The following PSMB7 variants were observed in gnomAD, a reference collection of about 807,000 sequenced individuals.
PSMB7 encodes proteasome subunit beta type-7.
A neutral mutation model predicts 28.1 loss-of-function variants in PSMB7; 5 were observed. That is an observed-to-expected ratio of 0.18 (90% CI 0.09 to 0.37). PSMB7 has a LOEUF of 0.37. Among genes scored for constraint, PSMB7 ranks in the 10% least tolerant of loss-of-function variants. The pLI is 1.00. For missense variants in PSMB7, 275 were observed against 346.2 expected, an observed-to-expected ratio of 0.79 and a Z score of 1.63; for synonymous variants, 122 against 123.7, an observed-to-expected ratio of 0.99 and a Z score of 0.09.
chr9:124,377,232 A>C (rs1830621088), intron 6 of PSMB7, among the ~76,000 whole-genome samples: 3 of 152,232 alleles, frequency 2.0e-5, no homozygotes, highest in Non-Finnish European at 4.4e-5. Context: ...CCGATCGCAC[A>C]GACAAGGATG....
chr9:124,390,820 A>G (rs951895766), intron 5 of PSMB7, among the ~76,000 whole-genome samples: 1 of 152,240 alleles, frequency 6.6e-6, no homozygotes, highest in South Asian at 2.1e-4. Flanking sequence ...AGACTTTGCT[A>G]GCTGTCACAG....
chr9:124,413,123 CA>C (rs750099104), intron 3 of PSMB7, among the ~76,000 whole-genome samples: 20 of 118,790 alleles, frequency 1.7e-4, no homozygotes, highest in Non-Finnish European at 3.1e-4. Context: ...CAAGATCAGC[CA>C]GGGCAACATA....
chr9:124,359,815 C>G (rs1342506815), intron 6 of PSMB7, among the ~76,000 whole-genome samples: 2 of 152,138 alleles, frequency 1.3e-5, no homozygotes, highest in South Asian at 4.2e-4. Context: ...CCCAAGACTA[C>G]CACTTCAAGG....
intron 6 of PSMB7, among the ~76,000 whole-genome samples, chr9:124,364,433 T>A (rs1399290213): frequency 6.6e-6 from 1 of 151,578 alleles, no homozygotes; most frequent in African/African-American, 2.4e-5. Flanking sequence ...AAGAACATAT[T>A]GCTTTCCACA....
At position 124,412,477 on chromosome 9, in the gene PSMB7, C is replaced by G. The variant is rs1226957005; in HGVS notation, c.270G>C (p.Gly90=). ...TTGTCATGTCTGTGTCTGCAGCTGT[C>G]CCAGCACCACAACAACTGAAAAATC... is the stretch of plus-strand genomic sequence containing the variant. ...ISPNIYCCGA[G]TAADTDMTTQ... is the part of the protein sequence containing the mutation. The change falls in exon 4 of 8, where the codon GGG becomes GGC. Residue 90 remains glycine (G), a synonymous_variant. Transcript: ENST00000259457. 6.2e-7 allele frequency: 1 copy of G among 1,613,782 alleles called. No individual in the cohort carries two copies. Among genetic ancestry groups the G allele is most frequent in the Non-Finnish European group, 8.5e-7 (1 of 1,179,892 alleles).
chr9:124,383,715 T>C (rs948456561), intron 6 of PSMB7: 1 of 152,140 alleles, frequency 6.6e-6, no homozygotes, highest in Non-Finnish European at 1.5e-5. Flanking sequence ...AAGTCAGAAA[T>C]GGCAAAAACC....
chr9:124,396,433 CA>C (rs1489351958), intron 5 of PSMB7, among the ~76,000 whole-genome samples: 2 of 152,218 alleles, frequency 1.3e-5, no homozygotes, highest in Non-Finnish European at 2.9e-5. Flanking sequence ...CTTCTGCCCA[CA>C]AGGTGAGACA....
At chr9:124,412,155 G>A (rs1238456845) in intron 4 of PSMB7, among the ~76,000 whole-genome samples, 197 bp downstream of exon 4, 1 of 152,050 alleles carries the variant, frequency 6.6e-6, no homozygotes, top group African/African-American at 2.4e-5. Flanking sequence ...ATTTACTCAT[G>A]AAAAAAATCA....
intron 6 of PSMB7, among the ~76,000 whole-genome samples, chr9:124,381,751 G>T (rs1830666859): frequency 6.6e-6 from 1 of 152,220 alleles, no homozygotes; most frequent in South Asian, 2.1e-4. Context: ...TCTCAACTCT[G>T]CTAGGCAGTC....
At chr9:124,365,071 G>C (rs914578375) in intron 6 of PSMB7, among the ~76,000 whole-genome samples, 1 of 152,194 alleles carries the variant, frequency 6.6e-6, no homozygotes, top group Non-Finnish European at 1.5e-5. Context: ...GCCAAAATGA[G>C]GCAAATTTCA....
At chr9:124,369,876 G>A (rs915824175) in intron 6 of PSMB7, among the ~76,000 whole-genome samples, 4 of 152,046 alleles carry the variant, frequency 2.6e-5, no homozygotes, top group Non-Finnish European at 4.4e-5. Context: ...CTCCTCTTCC[G>A]CCGTACCCCT....
intron 2 of PSMB7, among the ~76,000 whole-genome samples, chr9:124,414,417 A>C (rs1831064416): frequency 6.6e-6 from 1 of 152,202 alleles, no homozygotes; most frequent in Admixed American, 6.5e-5. Flanking sequence ...CGTTTCCAAC[A>C]ATTTAAGGCA....
chr9:124,365,841 G>GA (rs1830501886), intron 6 of PSMB7, among the ~76,000 whole-genome samples: 1 of 152,144 alleles, frequency 6.6e-6, no homozygotes, highest in African/African-American at 2.4e-5. Flanking sequence ...CTTGAGCCTG[G>GA]GAGGTTCAGG....
At chr9:124,392,683 C>T (rs1395547986) in intron 5 of PSMB7, among the ~76,000 whole-genome samples, 2 of 152,210 alleles carry the variant, frequency 1.3e-5, no homozygotes, top group Admixed American at 1.3e-4. Context: ...CAGCAAGTCC[C>T]AGGGTTGGCA....
intron 5 of PSMB7, among the ~76,000 whole-genome samples, chr9:124,403,036 T>G (rs1830927991): frequency 6.6e-6 from 1 of 151,764 alleles, no homozygotes; most frequent in African/African-American, 2.4e-5. Flanking sequence ...AAGGCAGCAG[T>G]TTTCCTAGAT....
At chr9:124,408,103 A>G (rs912296014) in intron 4 of PSMB7, among the ~76,000 whole-genome samples, 1 of 152,140 alleles carries the variant, frequency 6.6e-6, no homozygotes, top group Non-Finnish European at 1.5e-5. Context: ...TTTAAGGCTC[A>G]AGTCATCCAC....
intron 4 of PSMB7, among the ~76,000 whole-genome samples, chr9:124,411,052 G>A (rs547890458): frequency 2.6e-4 from 40 of 151,450 alleles, no homozygotes; most frequent in African/African-American, 8.5e-4. Flanking sequence ...CTTGGCTCAC[G>A]GCAACCTCCA....
intron 6 of PSMB7, among the ~76,000 whole-genome samples, chr9:124,378,725 C>G (rs1830637016): frequency 6.6e-6 from 1 of 152,200 alleles, no homozygotes; most frequent in Non-Finnish European, 1.5e-5. Context: ...AGAAGGAAAA[C>G]TAACCTACAT....
chr9:124,413,869 T>C (rs1181680598), intron 3 of PSMB7, 39 bp downstream of exon 3: 1 of 1,424,062 alleles, frequency 7.0e-7, no homozygotes, highest in Non-Finnish European at 9.8e-7. Flanking sequence ...CCTGACATGT[T>C]TGAAAATATA....
Sources: gnomAD v4.1 joint callset for allele counts (sites outside exome capture counted in the v4.1 genomes callset) on GRCh38, gnomAD v4.1.1 for gene constraint, MANE v1.5 for transcripts, NCBI Gene and HGNC (gene_info 2026-07-23, HGNC 2026-07-21) for gene names.